Variants in TMEM232 observed in about 807,000 individuals in gnomAD.
The protein encoded by TMEM232 is transmembrane protein 232.
In TMEM232, 80 loss-of-function variants were observed where a neutral mutation model predicts 78.8. The observed-to-expected ratio is 1.01, with a 90% CI of 0.85 to 1.22. The LOEUF (loss-of-function observed/expected upper bound fraction) is 1.22. Ranked by LOEUF, TMEM232 falls within the 50% of genes most tolerant of loss-of-function variation. TMEM232 has a pLI of 0.00. For synonymous variants in TMEM232, 297 were observed against 254.3 expected, an observed-to-expected ratio of 1.17 and a Z score of -1.60; for missense variants, 881 against 742.2, an observed-to-expected ratio of 1.19 and a Z score of -2.17.
intron 12 of TMEM232, among the ~76,000 whole-genome samples, chr5:110,510,972 C>G (rs1221783182): frequency 6.6e-6 from 1 of 152,120 alleles, no homozygotes. Context: ...ATAAATCATT[C>G]TACTATAAAG....
intron 10 of TMEM232, among the ~76,000 whole-genome samples, chr5:110,597,773 C>A (rs538939676): frequency 1.3e-5 from 2 of 152,212 alleles, no homozygotes; most frequent in South Asian, 4.2e-4. Flanking sequence ...AAAGGATTCC[C>A]TATTTAATAA....
intron 2 of TMEM232, among the ~76,000 whole-genome samples, chr5:110,407,975 C>T (rs1289315323): frequency 6.6e-6 from 1 of 151,992 alleles, no homozygotes; most frequent in East Asian, 1.9e-4. Context: ...TGCTCCTGAA[C>T]AGCCAATGGG....
chr5:110,407,511 A>G (rs1355379378), intron 2 of TMEM232, among the ~76,000 whole-genome samples: 5 of 152,146 alleles, frequency 3.3e-5, no homozygotes, highest in Non-Finnish European at 5.9e-5. Context: ...CTCAACACCA[A>G]AGATCCCAAA....
At chr5:110,688,738 G>A (rs986510123) in intron 1 of TMEM232, among the ~76,000 whole-genome samples, 1 of 152,136 alleles carries the variant, frequency 6.6e-6, no homozygotes, top group Non-Finnish European at 1.5e-5. Context: ...TTAGCCAAAA[G>A]GAAAAGTCAA....
At chr5:110,732,638 C>G (rs1798788298) in intron 2 of TMEM232, among the ~76,000 whole-genome samples, 1 of 152,186 alleles carries the variant, frequency 6.6e-6, no homozygotes, top group East Asian at 1.9e-4. Context: ...TCCCATGATT[C>G]AATTACCTCC....
At chr5:110,494,254 A>C (rs1174302415) in intron 12 of TMEM232, among the ~76,000 whole-genome samples, 1 of 152,176 alleles carries the variant, frequency 6.6e-6, no homozygotes, top group South Asian at 2.1e-4. Flanking sequence ...TAACAAATAT[A>C]AAAAGCCAAA....
intron 12 of TMEM232, among the ~76,000 whole-genome samples, chr5:110,449,424 A>G (rs1265601802): frequency 6.6e-6 from 1 of 152,126 alleles, no homozygotes; most frequent in African/African-American, 2.4e-5. Context: ...AACATATACC[A>G]TAATTCTGAA....
intron 12 of TMEM232, among the ~76,000 whole-genome samples, chr5:110,501,445 T>C (rs1183998658): frequency 6.6e-6 from 1 of 152,142 alleles, no homozygotes; most frequent in African/African-American, 2.4e-5. Flanking sequence ...AATTAAGTTG[T>C]CATTTTAAGT....
At chr5:110,665,264 T>C (rs926175026) in intron 2 of TMEM232, among the ~76,000 whole-genome samples, 6 of 152,192 alleles carry the variant, frequency 3.9e-5, no homozygotes, top group African/African-American at 1.4e-4. Flanking sequence ...ATTATGGACA[T>C]TGAACAGAAA....
intron 11 of TMEM232, among the ~76,000 whole-genome samples, chr5:110,535,504 A>G (rs576788970): frequency 6.6e-6 from 1 of 152,322 alleles, no homozygotes; most frequent in African/African-American, 2.4e-5. Context: ...CTTCACATGG[A>G]CGCGCATGAA....
In TMEM232 at chr5:110,528,308, T is replaced by C. The variant is rs146343811; in HGVS notation, c.1703+280A>G. ...AAATAGGGTCTTAAAATTTTGAATA[T>C]TGAATGATTTGGTTTCTGTTTTAAG... On this transcript the variant is annotated intron_variant, in intron 12 of 13. Transcript: ENST00000455884. Among the ~76,000 whole-genome samples the C allele has an allele frequency of 7.9e-5, 12 of 152,030 alleles. No homozygotes were observed. The East Asian group carries it at 1.4e-3, about 17-fold the overall frequency.
intron 12 of TMEM232, among the ~76,000 whole-genome samples, chr5:110,518,938 G>GA (rs1016112238): frequency 0.012 from 1,653 of 142,996 alleles, 36 homozygotes; most frequent in African/African-American, 0.036. Flanking sequence ...CTGGTGCATT[G>GA]AAAAAAAAAA....
intron 2 of TMEM232, among the ~76,000 whole-genome samples, chr5:110,413,577 C>T (rs183606234): frequency 2.6e-5 from 4 of 152,304 alleles, no homozygotes; most frequent in Admixed American, 6.5e-5. Flanking sequence ...CTGGACCAAA[C>T]TTATCTTTCT....
intron 2 of TMEM232, among the ~76,000 whole-genome samples, chr5:110,653,949 A>T (rs141952135): frequency 6.6e-6 from 1 of 152,228 alleles, no homozygotes; most frequent in Non-Finnish European, 1.5e-5. Flanking sequence ...AAGAGGAAGA[A>T]TACTAAGAAA....
Position 110,419,672 on chromosome 5 carries a change from C to T in TMEM232, c.*908G>A, listed in dbSNP as rs1269840950. Among the ~76,000 whole-genome samples the T allele has an allele frequency of 6.6e-6, 1 of 152,066 alleles. No homozygotes were observed. The highest frequency in any genetic ancestry group is 2.4e-5 in the African/African-American group (1 of 41,436). On this transcript the variant is annotated 3_prime_UTR_variant, in exon 14 of 14. Coordinates refer to ENST00000455884, the MANE Select transcript of TMEM232 (RefSeq NM_001039763.4). ...TCACTAATTTATGTTACCTTTCTGACCTGGTAGTCATTTGAGTTTGACACC... is the reference window on the plus strand; with the variant it reads ...TCACTAATTTATGTTACCTTTCTGATCTGGTAGTCATTTGAGTTTGACACC...
At chr5:110,486,212 A>G (rs953137927) in intron 12 of TMEM232, among the ~76,000 whole-genome samples, 1 of 149,966 alleles carries the variant, frequency 6.7e-6, no homozygotes, top group Non-Finnish European at 1.5e-5. Flanking sequence ...TAGATTCTGG[A>G]TATTAGTCCT....
chr5:110,423,793 GTGTGTGTGTGTGTGTGTATGTGTA>G (rs1461585021), intron 13 of TMEM232, among the ~76,000 whole-genome samples: 1 of 151,596 alleles, frequency 6.6e-6, no homozygotes, highest in African/African-American at 2.4e-5. Context: ...GTGTGTGTGT[GTGTGTGTGTGTGTGTGTATGTGTA>G]TGTGTGTATG....
At chr5:110,399,547 C>G (rs1755515182) in intron 2 of TMEM232, among the ~76,000 whole-genome samples, 1 of 151,994 alleles carries the variant, frequency 6.6e-6, no homozygotes, top group Non-Finnish European at 1.5e-5. Flanking sequence ...TATCCTTCTT[C>G]TAAAATCAGT....
intron 12 of TMEM232, among the ~76,000 whole-genome samples, chr5:110,525,542 C>A (rs57670566): frequency 0.16 from 24,533 of 151,612 alleles, 3,874 homozygotes; most frequent in African/African-American, 0.4. Context: ...AACTCAAAAG[C>A]AATACTGAAT....
Sources: allele counts gnomAD v4.1 joint callset (sites outside exome capture counted in the v4.1 genomes callset), GRCh38; gene constraint gnomAD v4.1.1; transcripts MANE v1.5; gene names NCBI Gene and HGNC (gene_info 2026-07-23, HGNC 2026-07-21).